PIEZO2: variants seen among roughly 807,000 people sequenced by gnomAD.
The protein encoded by PIEZO2 is piezo-type mechanosensitive ion channel component 2.
PIEZO2 carries 172 observed loss-of-function variants against 337.3 expected under a neutral mutation model. The observed-to-expected ratio is 0.51, with a 90% CI of 0.45 to 0.58. PIEZO2 has a LOEUF of 0.58. Ranked by LOEUF, PIEZO2 falls within the 20% of genes least tolerant of loss-of-function variation. The pLI, the probability that PIEZO2 is intolerant of heterozygous loss-of-function variation, is 0.00. For missense variants in PIEZO2, 3,028 were observed against 3,391.3 expected, an observed-to-expected ratio of 0.89 and a Z score of 2.66; for synonymous variants, 1,251 against 1,228.5, an observed-to-expected ratio of 1.02 and a Z score of -0.38.
chr18:10,935,711 C>T lies in PIEZO2; in HGVS notation c.287-24483G>A, dbSNP rs568689144. Among the ~76,000 whole-genome samples, 4 of 152,284 alleles carry T rather than the reference C, an allele frequency of 2.6e-5. No homozygotes were observed. The South Asian group carries it at 6.2e-4, about 24-fold the overall frequency. ...AGCAACTGGGGCCGCTGCTGAAGTG[C>T]CAGAACTCTTAATTCTGCTGCCAGT... On this transcript the variant is annotated intron_variant, in intron 3 of 55. Transcript: ENST00000674853.
chr18:10,857,292 G>A (rs2041733329), intron 5 of PIEZO2, 81 bp from the exon 6 acceptor site: 1 of 1,211,262 alleles, frequency 8.3e-7, no homozygotes, highest in African/African-American at 1.5e-5. Context: ...TCTAATTCAT[G>A]GGTCAGTCAA....
intron 21 of PIEZO2, among the ~76,000 whole-genome samples, chr18:10,769,232 T>C (rs1490389406): frequency 2.0e-5 from 3 of 152,246 alleles, no homozygotes; most frequent in Non-Finnish European, 4.4e-5. Context: ...ATACGCCCAG[T>C]GACTTAACAT....
intron 47 of PIEZO2, among the ~76,000 whole-genome samples, chr18:10,694,141 T>C (rs914308664): frequency 2.8e-4 from 42 of 151,940 alleles, no homozygotes; most frequent in Admixed American, 1.3e-4. Context: ...AATATCTGCA[T>C]TGTCACCATT....
rs1426434566 is a variant in PIEZO2, at chr18:10,724,087, TTAAG to T, written c.5030-5832_5030-5829del. Among the ~76,000 whole-genome samples, 1 of 152,134 alleles carries T rather than the reference TTAAG, an allele frequency of 6.6e-6. No homozygotes were observed. The highest frequency in any genetic ancestry group is 1.5e-5 in the Non-Finnish European group (1 of 68,022). On this transcript the variant is annotated intron_variant, in intron 36 of 55. Transcript: ENST00000674853. This position sits in a 1 kb window ranked among gnomAD's most constrained non-coding sequence, Gnocchi z 5.8. ...TGGCTGCACTGTACCACCTCCCAGA[TTAAG>T]TGAGTGCTGAGCACAGAGATTAGAA...
intron 39 of PIEZO2, among the ~76,000 whole-genome samples, chr18:10,708,643 T>TA (rs1465215908): frequency 6.6e-6 from 1 of 152,140 alleles, no homozygotes; most frequent in Non-Finnish European, 1.5e-5. Flanking sequence ...TACTGGATTT[T>TA]AAAAAACATA....
chr18:10,974,538 C>T (rs893769412), intron 3 of PIEZO2, among the ~76,000 whole-genome samples: 3 of 152,158 alleles, frequency 2.0e-5, no homozygotes, highest in African/African-American at 7.2e-5. Context: ...TGAAAATAGA[C>T]TTATCCAAAG....
At chr18:10,720,234 G>GTGTGTGTATATATATATATATATATATA (rs1225106343) in intron 36 of PIEZO2, among the ~76,000 whole-genome samples, 13 of 119,908 alleles carry the variant, frequency 1.1e-4, no homozygotes, top group African/African-American at 4.3e-4. Context: ...GTGTGTGTGT[G>GTGTGTGTATATATATATATATATATATA]TATATATATA....
intron 4 of PIEZO2, among the ~76,000 whole-genome samples, chr18:10,909,882 T>C (rs2030305124): frequency 6.6e-6 from 1 of 152,210 alleles, no homozygotes; most frequent in African/African-American, 2.4e-5. Context: ...TTAAGAATTA[T>C]GAGCACTTAC....
chr18:11,103,219 T>C (rs572246975), intron 1 of PIEZO2, among the ~76,000 whole-genome samples: 3 of 152,352 alleles, frequency 2.0e-5, no homozygotes, highest in Admixed American at 1.3e-4. Context: ...TGTTAGTAAT[T>C]GATGCTTAGA....
At chr18:10,691,176 A>T (rs1434521201) in intron 48 of PIEZO2, 49 bp downstream of exon 48, 5 of 1,568,886 alleles carry the variant, frequency 3.2e-6, no homozygotes. Context: ...ATGCCTTTCC[A>T]CCGCTATTCT....
intron 1 of PIEZO2, among the ~76,000 whole-genome samples, chr18:11,090,544 G>A (rs1216767271): frequency 2.6e-5 from 4 of 152,152 alleles, no homozygotes; most frequent in Admixed American, 6.5e-5. Flanking sequence ...GTAGTGGGGA[G>A]GGCAAAGGAA....
intron 48 of PIEZO2, 104 bp downstream of exon 48, chr18:10,691,121 T>C: frequency 7.7e-7 from 1 of 1,300,064 alleles, no homozygotes; most frequent in Non-Finnish European, 1.1e-6. Context: ...CGATTCCCAC[T>C]GCTGAATTCA....
At chr18:11,130,599 T>A (rs879564976) in intron 1 of PIEZO2, among the ~76,000 whole-genome samples, 1 of 152,218 alleles carries the variant, frequency 6.6e-6, no homozygotes, top group Non-Finnish European at 1.5e-5. Flanking sequence ...ACACTGGACT[T>A]ATTGGAGAGA....
chr18:10,835,018 G>A (rs924828138), intron 7 of PIEZO2, among the ~76,000 whole-genome samples: 5 of 152,168 alleles, frequency 3.3e-5, no homozygotes, highest in African/African-American at 1.2e-4. Flanking sequence ...AGGGATCTGT[G>A]CCCTTATGAA....
In PIEZO2 at chr18:10,691,218, G is replaced by T; in HGVS notation, c.7349+7C>A. Reference sequence around the variant, plus strand: ...ATAAGTGACTGTGACGTTGCAGAGCGTCCTACCCTTGGAATAAGAAGAGGT... The same window carrying T: ...ATAAGTGACTGTGACGTTGCAGAGCTTCCTACCCTTGGAATAAGAAGAGGT... On this transcript the variant is annotated splice_region_variant and intron_variant, in intron 48 of 55. Transcript: ENST00000674853. The T allele has an allele frequency of 6.2e-7, 1 of 1,612,534 alleles. No individual in the cohort carries two copies. Among genetic ancestry groups the T allele is most frequent in the Non-Finnish European group, 8.5e-7 (1 of 1,179,406 alleles).
At chr18:10,912,398 G>A (rs1176364858) in intron 3 of PIEZO2, among the ~76,000 whole-genome samples, 2 of 152,152 alleles carry the variant, frequency 1.3e-5, no homozygotes, top group Non-Finnish European at 2.9e-5. Flanking sequence ...ACTATTGCAG[G>A]TAAATACCCA....
Position 10,802,321 on chromosome 18 carries a change from A to T in PIEZO2, c.1201-893T>A, listed in dbSNP as rs147142723. On this transcript the variant is annotated intron_variant, in intron 9 of 55. Coordinates refer to ENST00000674853, the MANE Select transcript of PIEZO2 (RefSeq NM_001378183.1). ...GTACTCATTTGCATTCTTAAAAATC[A>T]CTGAGGGTCCCAAAGAGACTTAATT... Among the ~76,000 whole-genome samples the T allele has an allele frequency of 5.9e-5, 9 of 152,300 alleles. No homozygotes were observed. In the East Asian group the frequency reaches 1.7e-3, roughly 29 times the overall value.
rs1465702437 is a variant in PIEZO2 at position 11,099,118 on chromosome 18, C to T, written c.65-32896G>A. Reference sequence around the variant, plus strand: ...TGCACCTGGCCTTTTAAAAAGACTGCAGATTTTTCATAGTTAACATGAATT... The same window carrying T: ...TGCACCTGGCCTTTTAAAAAGACTGTAGATTTTTCATAGTTAACATGAATT... On this transcript the variant is annotated intron_variant, in intron 1 of 55. Transcript: ENST00000674853. This position sits in a 1 kb window ranked among gnomAD's most constrained non-coding sequence, Gnocchi z 5.4. 1.3e-5 allele frequency among the ~76,000 whole-genome samples: 2 copies of T among 151,994 alleles called. No individual in the cohort carries two copies. Among genetic ancestry groups the T allele is most frequent in the African/African-American group, 2.4e-5 (1 of 41,356 alleles).
In PIEZO2 at chr18:11,032,323, G is replaced by C. The variant is rs141822013; in HGVS notation, c.160+33804C>G. Among the ~76,000 whole-genome samples, 72 of 152,320 alleles carry C rather than the reference G, an allele frequency of 4.7e-4. No individual in the cohort carries two copies. Among genetic ancestry groups the C allele is most frequent in the African/African-American group, 1.6e-3 (67 of 41,574 alleles). ...GTCAGAGATTTCTGCAAAGGAGTAA[G>C]TGACATTTACACCACTCCTGGACAT... On this transcript the variant is annotated intron_variant, in intron 2 of 55. Coordinates refer to ENST00000674853, the MANE Select transcript of PIEZO2 (RefSeq NM_001378183.1). The surrounding 1 kb of genome is among the most constrained non-coding windows in gnomAD (Gnocchi z 4.9).
Sources: allele counts gnomAD v4.1 joint callset (sites outside exome capture counted in the v4.1 genomes callset), GRCh38; gene constraint gnomAD v4.1.1; non-coding constraint Gnocchi (gnomAD v3.1); transcripts MANE v1.5; gene names NCBI Gene and HGNC (gene_info 2026-07-23, HGNC 2026-07-21).